Variants in FKBP9 observed in about 807,000 individuals in gnomAD.
The protein encoded by FKBP9 is peptidyl-prolyl cis-trans isomerase FKBP9.
A neutral mutation model predicts 55.6 loss-of-function variants in FKBP9; 27 were observed. That is an observed-to-expected ratio of 0.49 (90% CI 0.36 to 0.67). The LOEUF is 0.67. Ranked by LOEUF, FKBP9 falls within the 30% of genes least tolerant of loss-of-function variation. FKBP9 has a pLI of 0.00. For synonymous variants in FKBP9, 267 were observed against 296.5 expected (o/e 0.90, Z 1.02); for missense variants, 539 against 742.8 (o/e 0.73, Z 3.19).
In FKBP9 at chr7:32,974,767, G is replaced by A. The variant is rs1279125726; in HGVS notation, c.367+5G>A. On this transcript the variant is annotated splice_donor_5th_base_variant and intron_variant, in intron 2 of 9. Coordinates refer to ENST00000242209, the MANE Select transcript of FKBP9 (RefSeq NM_007270.5). ...CCTACGGAAATGAAGGAGTTTGTAA[G>A]CTTTTCTTCCTCGTTTATAAACACG... The A allele has an allele frequency of 6.2e-7, 1 of 1,612,256 alleles. No individual in the cohort carries two copies. Among genetic ancestry groups the A allele is most frequent in the African/African-American group, 1.3e-5 (1 of 74,830 alleles).
intron 1 of FKBP9, among the ~76,000 whole-genome samples, chr7:32,965,872 C>CATATATAT (rs375541462): frequency 2.7e-5 from 2 of 73,428 alleles, no homozygotes; most frequent in African/African-American, 1.4e-4. Context: ...TATATACATA[C>CATATATAT]ATATATATAT....
At position 33,005,417 on chromosome 7, in the gene FKBP9, C is replaced by T. The variant is rs1215599425; in HGVS notation, c.*66C>T. Reference sequence around the variant, plus strand: ...CAAGCCACCTGTGTGGCAAGACGTGCAGTGAGGGTGCAAGGGTCTCTCAGA... The same window carrying T: ...CAAGCCACCTGTGTGGCAAGACGTGTAGTGAGGGTGCAAGGGTCTCTCAGA... On this transcript the variant is annotated 3_prime_UTR_variant, in exon 10 of 10. Transcript: ENST00000242209. 4.5e-6 allele frequency: 7 copies of T among 1,573,012 alleles called. No individual in the cohort carries two copies. Among genetic ancestry groups the T allele is most frequent in the Non-Finnish European group, 6.1e-6 (7 of 1,151,492 alleles).
chr7:32,971,140 A>G (rs1338460628), intron 1 of FKBP9, among the ~76,000 whole-genome samples: 1 of 151,862 alleles, frequency 6.6e-6, no homozygotes, highest in Non-Finnish European at 1.5e-5. Flanking sequence ...CAGGTTGTAT[A>G]AATGCTTACT....
At chr7:32,999,129 G>T (rs1261238309) in intron 7 of FKBP9, among the ~76,000 whole-genome samples, 1 of 152,150 alleles carries the variant, frequency 6.6e-6, no homozygotes, top group African/African-American at 2.4e-5. Flanking sequence ...GTTCCTCCCA[G>T]GTGGGAAAAC....
intron 2 of FKBP9, 42 bp from the exon 3 acceptor site, chr7:32,975,140 A>G (rs1784333315): frequency 1.9e-6 from 3 of 1,541,338 alleles, no homozygotes; most frequent in Non-Finnish European, 1.8e-6. Flanking sequence ...CTGGCCTGAA[A>G]GGCAGCAACT....
intron 9 of FKBP9, 187 bp downstream of exon 9, chr7:33,003,026 T>C: frequency 1.7e-6 from 1 of 582,962 alleles, no homozygotes; most frequent in Non-Finnish European, 3.0e-6. Context: ...AGCTCACCAT[T>C]CCTCTCTGAA....
intron 7 of FKBP9, 128 bp downstream of exon 7, chr7:32,996,477 G>A (rs1407703154): frequency 9.3e-6 from 6 of 643,514 alleles, no homozygotes; most frequent in East Asian, 2.7e-5. Flanking sequence ...TGCATAGCTC[G>A]TGGCTGCATC....
chr7:32,958,793 C>T lies in FKBP9; in HGVS notation c.221+999C>T, dbSNP rs908379231. ...TGCCTCAGGATCACAGCACTGCTCT[C>T]CCGTTTCCCTCCAGTTTAGGTTCGG... On this transcript the variant is annotated intron_variant, in intron 1 of 9. Coordinates refer to ENST00000242209, the MANE Select transcript of FKBP9 (RefSeq NM_007270.5). Among the ~76,000 whole-genome samples the T allele has an allele frequency of 3.9e-5, 6 of 152,206 alleles. No homozygotes were observed. In the East Asian group the frequency reaches 1.2e-3, roughly 29 times the overall value.
intron 6 of FKBP9, among the ~76,000 whole-genome samples, chr7:32,994,138 G>T (rs1350510122): frequency 6.6e-6 from 1 of 152,038 alleles, no homozygotes; most frequent in Non-Finnish European, 1.5e-5. Flanking sequence ...GTTGTTTTTA[G>T]TATATTAACC....
At chr7:32,992,358 C>T (rs540208572) in intron 6 of FKBP9, among the ~76,000 whole-genome samples, 2 of 151,804 alleles carry the variant, frequency 1.3e-5, no homozygotes, top group Admixed American at 6.6e-5. Context: ...ACCCACCCAC[C>T]GCAGAGGAAA....
In FKBP9 at chr7:32,960,655, T is replaced by C. The variant is rs111991731; in HGVS notation, c.221+2861T>C. Among the ~76,000 whole-genome samples, 1,440 of 152,272 alleles carry C rather than the reference T, an allele frequency of 9.5e-3. 25 individuals are homozygous for C. Among genetic ancestry groups the C allele is most frequent in the African/African-American group, 0.033 (1,356 of 41,564 alleles). Reference sequence around the variant, plus strand: ...TCTAGGGCTGGCAGCCACTGTGAGGTAGTGTAGGGCAGTTGAAAGAGCATG... The same window carrying C: ...TCTAGGGCTGGCAGCCACTGTGAGGCAGTGTAGGGCAGTTGAAAGAGCATG... On this transcript the variant is annotated intron_variant, in intron 1 of 9. Coordinates refer to ENST00000242209, the MANE Select transcript of FKBP9 (RefSeq NM_007270.5).
chr7:32,978,121 C>T (rs1277770821), intron 4 of FKBP9, among the ~76,000 whole-genome samples: 5 of 151,502 alleles, frequency 3.3e-5, no homozygotes, highest in Non-Finnish European at 5.9e-5. Context: ...AGCATTTCGC[C>T]ATGTTGGCCA....
intron 1 of FKBP9, among the ~76,000 whole-genome samples, chr7:32,972,321 A>G (rs1784267740): frequency 1.3e-5 from 2 of 152,128 alleles, no homozygotes; most frequent in Non-Finnish European, 2.9e-5. Flanking sequence ...CTGACCTTGA[A>G]GAAAGGAAAC....
chr7:32,987,557 T>C (rs1286272317), intron 5 of FKBP9, among the ~76,000 whole-genome samples: 3 of 152,032 alleles, frequency 2.0e-5, no homozygotes, highest in Non-Finnish European at 2.9e-5. Context: ...GTCCCACATA[T>C]GCAGATATTT....
chr7:32,975,475 C>G (rs1784340904), intron 3 of FKBP9, 104 bp downstream of exon 3: 1 of 875,442 alleles, frequency 1.1e-6, no homozygotes, highest in South Asian at 1.6e-5. Flanking sequence ...AGAATAAGGA[C>G]TCTTCTCAAC....
At chr7:32,998,992 G>A (rs1290306351) in intron 7 of FKBP9, among the ~76,000 whole-genome samples, 2 of 152,208 alleles carry the variant, frequency 1.3e-5, no homozygotes, top group Non-Finnish European at 2.9e-5. Flanking sequence ...AGAAACATGC[G>A]TTCCTGGATG....
chr7:32,981,695 A>G lies in FKBP9; in HGVS notation c.893+1142A>G, dbSNP rs1784477993. ...TTTAAATTTTTTGGAAAAGAGTAATAGTTACATAGCTCAAAACCAAAACAA... is the reference window on the plus strand; with the variant it reads ...TTTAAATTTTTTGGAAAAGAGTAATGGTTACATAGCTCAAAACCAAAACAA... On this transcript the variant is annotated intron_variant, in intron 5 of 9. Transcript: ENST00000242209. Among the ~76,000 whole-genome samples, 5 of 152,130 alleles carry G rather than the reference A, an allele frequency of 3.3e-5. No homozygotes were observed. The South Asian group carries it at 1.0e-3, about 32-fold the overall frequency.
intron 1 of FKBP9, among the ~76,000 whole-genome samples, chr7:32,960,108 C>CTTTTTTTTTTTTTT (rs398004304): frequency 1.0e-5 from 1 of 98,630 alleles, no homozygotes. Flanking sequence ...TTGTACTTGT[C>CTTTTTTTTTTTTTT]TTTTTTTTTT....
chr7:32,995,212 C>T (rs2953592), intron 6 of FKBP9: 1 of 152,266 alleles, frequency 6.6e-6, no homozygotes, highest in African/African-American at 2.4e-5. Context: ...CCTCCCACCT[C>T]AGCCTCCCAG....
Sources: gnomAD v4.1 joint callset for allele counts (sites outside exome capture counted in the v4.1 genomes callset) on GRCh38, gnomAD v4.1.1 for gene constraint, MANE v1.5 for transcripts, NCBI Gene and HGNC (gene_info 2026-07-23, HGNC 2026-07-21) for gene names.